Variants in PIP4K2A observed in about 807,000 individuals in gnomAD.
PIP4K2A encodes phosphatidylinositol 5-phosphate 4-kinase type-2 alpha.
A neutral mutation model predicts 42.9 loss-of-function variants in PIP4K2A; 14 were observed. That is an observed-to-expected ratio of 0.33 (90% CI 0.22 to 0.51). The LOEUF (loss-of-function observed/expected upper bound fraction) is 0.51. Among genes scored for constraint, PIP4K2A ranks in the 20% least tolerant of loss-of-function variants. PIP4K2A has a pLI of 0.97. For missense variants in PIP4K2A, 434 were observed against 519.8 expected, an observed-to-expected ratio of 0.83 and a Z score of 1.61; for synonymous variants, 192 against 192.2, an observed-to-expected ratio of 1.00 and a Z score of 0.01.
At chr10:22,608,829 AT>A (rs1837965931) in intron 2 of PIP4K2A, among the ~76,000 whole-genome samples, 2 of 152,134 alleles carry the variant, frequency 1.3e-5, no homozygotes, top group Admixed American at 1.3e-4. Context: ...GTGAGATATA[AT>A]TTCACCACTG....
At chr10:22,592,044 G>T (rs2130822731) in intron 3 of PIP4K2A, among the ~76,000 whole-genome samples, 1 of 152,280 alleles carries the variant, frequency 6.6e-6, no homozygotes, top group Non-Finnish European at 1.5e-5. Context: ...TATAATCAAA[G>T]TAACTTTAAT....
chr10:22,661,711 A>G (rs1839209133), intron 1 of PIP4K2A: 1 of 152,076 alleles, frequency 6.6e-6, no homozygotes, highest in Non-Finnish European at 1.5e-5. Context: ...AGGACAAGGG[A>G]CTTGCTTTTC....
chr10:22,599,064 C>T (rs868763043), intron 3 of PIP4K2A, among the ~76,000 whole-genome samples: 3 of 145,086 alleles, frequency 2.1e-5, no homozygotes, highest in South Asian at 2.3e-4. Context: ...TGTCTCTTAT[C>T]GAATAAATTA....
Position 22,690,555 on chromosome 10 carries a change from TATCTC to T in PIP4K2A, c.144+23623_144+23627del, listed in dbSNP as rs557997164. The stretch of plus-strand genomic sequence containing the variant: ...GGAAGAGAGTAACAAAAACCCAACA[TATCTC>T]CTCTTTCAAGAGGAGATATGTGCTC... On this transcript the variant is annotated intron_variant, in intron 1 of 9. Coordinates refer to ENST00000376573, the MANE Select transcript of PIP4K2A (RefSeq NM_005028.5). Among the ~76,000 whole-genome samples, 795 of 152,290 alleles carry T rather than the reference TATCTC, an allele frequency of 5.2e-3. 7 individuals are homozygous for T. Among genetic ancestry groups the T allele is most frequent in the African/African-American group, 0.018 (751 of 41,560 alleles).
chr10:22,705,920 T>C (rs958459161), intron 1 of PIP4K2A, among the ~76,000 whole-genome samples: 5 of 152,000 alleles, frequency 3.3e-5, no homozygotes, highest in Admixed American at 6.6e-5. Context: ...TCTGCAGGGC[T>C]GGGGAGACCT....
At chr10:22,537,913 T>C (rs1375047331) in intron 9 of PIP4K2A, among the ~76,000 whole-genome samples, 2 of 152,184 alleles carry the variant, frequency 1.3e-5, no homozygotes, top group African/African-American at 4.8e-5. Flanking sequence ...GACTTCCCTC[T>C]GCAGCAGCAC....
At chr10:22,600,576 AC>A (rs1360056478) in intron 3 of PIP4K2A, among the ~76,000 whole-genome samples, 3 of 152,110 alleles carry the variant, frequency 2.0e-5, no homozygotes, top group Non-Finnish European at 2.9e-5. Context: ...CTTTTCCCCA[AC>A]CCTGGCTACC....
intron 4 of PIP4K2A, among the ~76,000 whole-genome samples, chr10:22,589,290 A>C (rs1837461500): frequency 6.6e-6 from 1 of 152,226 alleles, no homozygotes; most frequent in South Asian, 2.1e-4. Context: ...AAAAGTAGAC[A>C]GTTTAAAAGG....
At chr10:22,601,443 C>T (rs16922488) in intron 3 of PIP4K2A, among the ~76,000 whole-genome samples, 6,645 of 152,240 alleles carry the variant, frequency 0.044, 491 homozygotes, top group African/African-American at 0.15. Flanking sequence ...GAGCTTCCCC[C>T]AGTCTATCAA....
At chr10:22,539,356 T>G (rs1396209452) in intron 9 of PIP4K2A, 1 of 152,360 alleles carries the variant, frequency 6.6e-6, no homozygotes, top group Non-Finnish European at 1.5e-5. Context: ...TAGCTTAACA[T>G]ATGGCTAGAG....
chr10:22,600,089 TA>T (rs1388673780), intron 3 of PIP4K2A, among the ~76,000 whole-genome samples: 7 of 151,540 alleles, frequency 4.6e-5, no homozygotes, highest in Non-Finnish European at 8.9e-5. Flanking sequence ...CTCTCTCTCA[TA>T]AAAGTGTCCT....
chr10:22,573,267 GT>G, intron 5 of PIP4K2A, 43 bp downstream of exon 5: 1 of 1,558,942 alleles, frequency 6.4e-7, no homozygotes, highest in Non-Finnish European at 8.8e-7. Flanking sequence ...ATGTAGAAGA[GT>G]AAGCTTGAGT....
At chr10:22,581,047 A>G (rs1837265609) in intron 4 of PIP4K2A, among the ~76,000 whole-genome samples, 1 of 152,232 alleles carries the variant, frequency 6.6e-6, no homozygotes, top group Non-Finnish European at 1.5e-5. Context: ...CTCAGAAATT[A>G]AGAGCACACA....
At chr10:22,546,356 C>T (rs909297675) in intron 7 of PIP4K2A, among the ~76,000 whole-genome samples, 7 of 151,866 alleles carry the variant, frequency 4.6e-5, no homozygotes, top group South Asian at 2.1e-4. Context: ...GTTTGTAGAC[C>T]GGGGGAAAAA....
intron 5 of PIP4K2A, chr10:22,569,038 G>A (rs1371742671): frequency 1.3e-6 from 2 of 1,535,250 alleles, no homozygotes; most frequent in South Asian, 2.4e-5. Flanking sequence ...AGTGAAAGTG[G>A]CTTTTAGATT....
chr10:22,683,147 A>G (rs981647743), intron 1 of PIP4K2A, among the ~76,000 whole-genome samples: 4 of 150,664 alleles, frequency 2.7e-5, no homozygotes, highest in Admixed American at 2.6e-4. Context: ...TGTTGGATCA[A>G]GCTGATAAAT....
chr10:22,564,847 C>A (rs747398709), intron 6 of PIP4K2A, among the ~76,000 whole-genome samples: 1 of 152,228 alleles, frequency 6.6e-6, no homozygotes, highest in Non-Finnish European at 1.5e-5. Flanking sequence ...AGGTCCCCAG[C>A]GATTTCCCTG....
intron 1 of PIP4K2A, among the ~76,000 whole-genome samples, chr10:22,650,903 G>C (rs1294628442): frequency 1.3e-5 from 2 of 151,716 alleles, no homozygotes; most frequent in South Asian, 2.1e-4. Flanking sequence ...ACATGTCCAA[G>C]TGGTCTGGCT....
intron 1 of PIP4K2A, among the ~76,000 whole-genome samples, chr10:22,634,538 C>A (rs1438633526): frequency 6.6e-6 from 1 of 152,130 alleles, no homozygotes; most frequent in African/African-American, 2.4e-5. Flanking sequence ...TCGCTTGTTT[C>A]TTATAATAGG....
Sources: allele counts gnomAD v4.1 joint callset (sites outside exome capture counted in the v4.1 genomes callset), GRCh38; gene constraint gnomAD v4.1.1; transcripts MANE v1.5; gene names NCBI Gene and HGNC (gene_info 2026-07-23, HGNC 2026-07-21).